The following RANBP2 variants were observed in gnomAD, a reference collection of about 807,000 sequenced individuals.
RANBP2 encodes RAN binding protein 2, also known as E3 SUMO-protein ligase RanBP2.
Under a neutral mutation model 303.6 loss-of-function variants are expected in RANBP2, and 57 were observed. The observed-to-expected ratio is 0.19, with a 90% CI of 0.15 to 0.23. The LOEUF (loss-of-function observed/expected upper bound fraction) is 0.23, where lower values mean the gene tolerates loss of function less well. Among genes scored for constraint, RANBP2 ranks in the 10% least tolerant of loss-of-function variants. RANBP2 has a pLI of 1.00. For synonymous variants in RANBP2, 1,167 were observed against 1,301.5 expected (o/e 0.90, Z 2.23); for missense variants, 3,138 against 3,780.8 (o/e 0.83, Z 4.46).
the RANBP2 span, chr2:109,129,467 G>A: frequency 3.3e-6 from 5 of 1,494,490 alleles, no homozygotes; most frequent in Non-Finnish European, 4.4e-6. Context: ...TCCTGATGCT[G>A]GCTGCCGGTG....
At chr2:109,668,481 T>C in the RANBP2 span, among the ~76,000 whole-genome samples, 1 of 152,146 alleles carries the variant, frequency 6.6e-6, no homozygotes, top group Non-Finnish European at 1.5e-5. Context: ...ATGATACCTA[T>C]ATAAAGAAAC....
chr2:109,689,797 T>C, the RANBP2 span, among the ~76,000 whole-genome samples: 5 of 152,166 alleles, frequency 3.3e-5, no homozygotes, highest in African/African-American at 4.8e-5. Flanking sequence ...ACTTAACTCA[T>C]AAATACTGCT....
chr2:109,221,829 A>G, the RANBP2 span, among the ~76,000 whole-genome samples: 2 of 152,192 alleles, frequency 1.3e-5, no homozygotes, highest in Non-Finnish European at 2.9e-5. Context: ...TAGAACTATC[A>G]TATGATCCAA....
chr2:109,320,687 A>G, the RANBP2 span, among the ~76,000 whole-genome samples: 2 of 152,240 alleles, frequency 1.3e-5, no homozygotes, highest in African/African-American at 2.4e-5. Context: ...AATTACTGGC[A>G]TTCCTCTTCT....
the RANBP2 span, among the ~76,000 whole-genome samples, chr2:109,410,967 G>A: frequency 6.6e-6 from 1 of 152,182 alleles, no homozygotes; most frequent in Non-Finnish European, 1.5e-5. Context: ...ATCACTGGCT[G>A]ACTCCCTCAC....
At chr2:108,846,951 A>G in the RANBP2 span, 1 of 1,341,918 alleles carries the variant, frequency 7.5e-7, no homozygotes. Flanking sequence ...AATTGTACTT[A>G]TGGTTAATTT....
chr2:109,466,421 G>T, the RANBP2 span, among the ~76,000 whole-genome samples: 2 of 152,106 alleles, frequency 1.3e-5, no homozygotes, highest in African/African-American at 2.4e-5. Flanking sequence ...GATCTTTGCT[G>T]AGTTTTTAAT....
the RANBP2 span, among the ~76,000 whole-genome samples, chr2:109,557,260 G>C: frequency 6.6e-6 from 1 of 152,190 alleles, no homozygotes; most frequent in Admixed American, 6.5e-5. Context: ...ATCTATACAA[G>C]CACTTGAGTT....
At chr2:109,761,863 A>G in the RANBP2 span, among the ~76,000 whole-genome samples, 1 of 151,262 alleles carries the variant, frequency 6.6e-6, no homozygotes, top group African/African-American at 2.4e-5. Context: ...GCTTTAATTC[A>G]GTAAAGAGTT....
the RANBP2 span, among the ~76,000 whole-genome samples, chr2:109,766,667 T>C: frequency 6.7e-6 from 1 of 148,222 alleles, no homozygotes; most frequent in African/African-American, 2.5e-5. Context: ...CTTGAGCAAC[T>C]TGAACAAAGA....
At chr2:108,862,714 A>G in the RANBP2 span, among the ~76,000 whole-genome samples, 1 of 152,230 alleles carries the variant, frequency 6.6e-6, no homozygotes, top group East Asian at 1.9e-4. Flanking sequence ...TATCCCAGAA[A>G]AATATATCTT....
the RANBP2 span, among the ~76,000 whole-genome samples, chr2:109,716,027 G>C: frequency 6.6e-6 from 1 of 151,990 alleles, no homozygotes; most frequent in African/African-American, 2.4e-5. Flanking sequence ...TTAAGGACGC[G>C]CCCAGGAGAA....
rs781415506 is a variant in RANBP2 at position 108,763,674 on chromosome 2, G to A, written c.3135G>A (p.Thr1045=). The change falls in exon 20 of 29, where the codon ACG becomes ACA. Residue 1045 remains threonine (T), a synonymous_variant. Transcript: ENST00000283195. ...SNFKSNDGDF[T]FSSPQVVTQP... The stretch of plus-strand genomic sequence containing the variant: ...TCAAATCAAATGATGGTGACTTCAC[G>A]TTTTCCTCACCACAGGTTGTGACAC... 2.5e-6 allele frequency: 4 copies of A among 1,613,978 alleles called. No individual in the cohort carries two copies. Among genetic ancestry groups the A allele is most frequent in the Admixed American group, 1.7e-5 (1 of 59,988 alleles).
At chr2:109,647,221 T>C in the RANBP2 span, among the ~76,000 whole-genome samples, 1 of 138,006 alleles carries the variant, frequency 7.2e-6, no homozygotes, top group African/African-American at 2.7e-5. Flanking sequence ...TGGAATGCAG[T>C]GGCATGATCT....
chr2:109,641,260 T>C, the RANBP2 span, among the ~76,000 whole-genome samples: 1 of 152,124 alleles, frequency 6.6e-6, no homozygotes, highest in African/African-American at 2.4e-5. Flanking sequence ...TGTCTCAGCC[T>C]CCCAAGTAGC....
chr2:109,166,206 C>T, the RANBP2 span, among the ~76,000 whole-genome samples: 10 of 152,228 alleles, frequency 6.6e-5, no homozygotes, highest in East Asian at 1.9e-4. Context: ...AGGCCAGGCA[C>T]GGTGGCTTAT....
the RANBP2 span, among the ~76,000 whole-genome samples, chr2:109,635,663 C>A: frequency 1.3e-5 from 2 of 152,114 alleles, no homozygotes; most frequent in African/African-American, 2.4e-5. Context: ...CTCAGATGGT[C>A]GGTGGGGGAC....
At chr2:109,734,793 C>T in the RANBP2 span, among the ~76,000 whole-genome samples, 1 of 152,186 alleles carries the variant, frequency 6.6e-6, no homozygotes, top group Non-Finnish European at 1.5e-5. Context: ...TAAGGACAGA[C>T]ATATCCAATG....
the RANBP2 span, among the ~76,000 whole-genome samples, chr2:109,118,676 G>A: frequency 1.3e-5 from 2 of 152,066 alleles, no homozygotes; most frequent in African/African-American, 4.8e-5. Context: ...CTCAACTGGT[G>A]CCCTCTCTGA....
Sources: allele counts gnomAD v4.1 joint callset (sites outside exome capture counted in the v4.1 genomes callset), GRCh38; gene constraint gnomAD v4.1.1; transcripts MANE v1.5; gene names NCBI Gene and HGNC (gene_info 2026-07-23, HGNC 2026-07-21).